GPC5: variants seen among roughly 807,000 people sequenced by gnomAD.
GPC5 encodes glypican 5.
A neutral mutation model predicts 53.9 loss-of-function variants in GPC5; 47 were observed. That is an observed-to-expected ratio of 0.87 (90% CI 0.69 to 1.11). The LOEUF is 1.11. Among genes scored for constraint, GPC5 ranks in the 50% most tolerant of loss-of-function variants. The probability of loss-of-function intolerance (pLI) is 0.00; values close to 1 mark genes in which losing one functional copy is unlikely to be tolerated. For missense variants in GPC5, 748 were observed against 713.1 expected (o/e 1.05, Z -0.56); for synonymous variants, 286 against 263.3 (o/e 1.09, Z -0.84).
At chr13:92,385,776 C>CGT (rs1555332006) in intron 7 of GPC5, among the ~76,000 whole-genome samples, 2 of 136,536 alleles carry the variant, frequency 1.5e-5, no homozygotes, top group Non-Finnish European at 3.1e-5. Context: ...CGTATATATA[C>CGT]ATATATGTAT....
At chr13:92,057,397 C>A in intron 6 of GPC5, among the ~76,000 whole-genome samples, 1 of 152,196 alleles carries the variant, frequency 6.6e-6, no homozygotes, top group Non-Finnish European at 1.5e-5. Context: ...AAGCCTTGCC[C>A]AAATTCCTAA....
chr13:91,461,916 C>G (rs543330090), intron 2 of GPC5, among the ~76,000 whole-genome samples: 3 of 152,170 alleles, frequency 2.0e-5, no homozygotes, highest in African/African-American at 7.2e-5. Context: ...GGCAAAAATA[C>G]CCTCTAAATT....
intron 7 of GPC5, among the ~76,000 whole-genome samples, chr13:92,631,968 A>T (rs1885254348): frequency 6.6e-6 from 1 of 152,176 alleles, no homozygotes; most frequent in Non-Finnish European, 1.5e-5. Context: ...AATAATCCTC[A>T]ATCTGAAACA....
intron 7 of GPC5, among the ~76,000 whole-genome samples, chr13:92,342,692 TAAGACA>T (rs2043377192): frequency 6.6e-6 from 1 of 152,172 alleles, no homozygotes; most frequent in African/African-American, 2.4e-5. Flanking sequence ...CAAAATAGTC[TAAGACA>T]ATCATAAATG....
intron 6 of GPC5, among the ~76,000 whole-genome samples, chr13:91,960,832 G>A (rs2040119598): frequency 6.6e-6 from 1 of 151,910 alleles, no homozygotes; most frequent in South Asian, 2.1e-4. Context: ...TTCAAAAAGT[G>A]GTGCTGGGAA....
intron 7 of GPC5, among the ~76,000 whole-genome samples, chr13:92,845,411 A>G (rs1303856991): frequency 1.3e-5 from 2 of 152,076 alleles, no homozygotes; most frequent in Non-Finnish European, 2.9e-5. Context: ...TCTACAATAT[A>G]GTTCCGATTC....
chr13:91,674,914 C>T (rs1055794594), intron 2 of GPC5, among the ~76,000 whole-genome samples: 7 of 151,826 alleles, frequency 4.6e-5, no homozygotes, highest in Admixed American at 4.6e-4. Flanking sequence ...CAGGCAGAGG[C>T]CACCCAAAAT....
intron 6 of GPC5, among the ~76,000 whole-genome samples, chr13:92,059,480 A>T (rs144629010): frequency 0.017 from 2,626 of 152,132 alleles, 36 homozygotes; most frequent in Non-Finnish European, 0.028. Context: ...ATCTCTTCTT[A>T]TATATACCTA....
chr13:92,417,306 AC>A (rs1346600760), intron 7 of GPC5, among the ~76,000 whole-genome samples: 2 of 152,190 alleles, frequency 1.3e-5, no homozygotes, highest in African/African-American at 4.8e-5. Context: ...CCGATGAGAT[AC>A]CACTTCACAT....
At chr13:92,121,510 A>G (rs528204758) in intron 6 of GPC5, among the ~76,000 whole-genome samples, 11 of 152,352 alleles carry the variant, frequency 7.2e-5, no homozygotes, top group South Asian at 6.2e-4. Flanking sequence ...GAAAGGCTAC[A>G]GGCAATAGAT....
intron 2 of GPC5, among the ~76,000 whole-genome samples, chr13:91,508,027 G>A (rs1885034810): frequency 6.6e-6 from 1 of 152,102 alleles, no homozygotes; most frequent in Non-Finnish European, 1.5e-5. Context: ...GACTTTGAAT[G>A]AGAGATGTAG....
At chr13:91,650,447 A>C (rs58166883) in intron 2 of GPC5, among the ~76,000 whole-genome samples, 42,955 of 151,864 alleles carry the variant, frequency 0.28, 8,760 homozygotes, top group African/African-American at 0.57. Flanking sequence ...CCTTTATTTT[A>C]TCTTTACTGT....
intron 5 of GPC5, among the ~76,000 whole-genome samples, chr13:91,849,784 G>A (rs1258332385): frequency 6.6e-6 from 1 of 152,166 alleles, no homozygotes; most frequent in Non-Finnish European, 1.5e-5. Flanking sequence ...GGTACATTAT[G>A]ATGCATGTAT....
intron 2 of GPC5, among the ~76,000 whole-genome samples, chr13:91,689,222 TATATA>T (rs2035697581): frequency 1.8e-5 from 2 of 113,470 alleles, no homozygotes; most frequent in African/African-American, 7.9e-5. Flanking sequence ...TATATATATA[TATATA>T]TATACACATA....
chr13:92,360,190 A>G (rs887915379), intron 7 of GPC5, among the ~76,000 whole-genome samples: 8 of 151,706 alleles, frequency 5.3e-5, no homozygotes, highest in African/African-American at 2.0e-4. Flanking sequence ...GGTATTGCCT[A>G]GGGTGCCTTC....
chr13:92,158,613 C>A (rs1242206227), intron 7 of GPC5, among the ~76,000 whole-genome samples: 1 of 152,042 alleles, frequency 6.6e-6, no homozygotes, highest in South Asian at 2.1e-4. Context: ...TTTAATAAGA[C>A]CCATTGCCTT....
chr13:91,722,194 C>A (rs1336504361), intron 3 of GPC5, among the ~76,000 whole-genome samples: 2 of 152,274 alleles, frequency 1.3e-5, no homozygotes, highest in South Asian at 4.2e-4. Context: ...TAATTGAAAT[C>A]CTTGGTCAAT....
chr13:91,904,969 G>T (rs1369269734), intron 5 of GPC5, among the ~76,000 whole-genome samples: 1 of 151,960 alleles, frequency 6.6e-6, no homozygotes, highest in Admixed American at 6.6e-5. Flanking sequence ...TGACTGAGGG[G>T]CAAATGCAGA....
chr13:92,017,197 G>T (rs1161666541), intron 6 of GPC5, among the ~76,000 whole-genome samples: 2 of 152,170 alleles, frequency 1.3e-5, no homozygotes, highest in Admixed American at 6.5e-5. Flanking sequence ...TGCTGAGGCT[G>T]GTGGCTGAAC....
Sources: gnomAD v4.1 joint callset for allele counts (sites outside exome capture counted in the v4.1 genomes callset) on GRCh38, gnomAD v4.1.1 for gene constraint, MANE v1.5 for transcripts, NCBI Gene and HGNC (gene_info 2026-07-23, HGNC 2026-07-21) for gene names.